The following SNX30 variants were observed in gnomAD, a reference collection of about 807,000 sequenced individuals.
The protein encoded by SNX30 is sorting nexin family member 30.
In SNX30, 24 loss-of-function variants were observed where a neutral mutation model predicts 46.4. The ratio of observed to expected loss-of-function variants is 0.52; its 90% CI spans 0.37 to 0.73. SNX30 has a LOEUF of 0.73. Ranked by LOEUF, SNX30 falls within the 30% of genes least tolerant of loss-of-function variation. SNX30 has a pLI of 0.00. For synonymous variants in SNX30, 189 were observed against 211.5 expected (o/e 0.89, Z 0.92); for missense variants, 533 against 555.7 (o/e 0.96, Z 0.41).
At chr9:112,856,350 T>C (rs1406326521) in intron 7 of SNX30, among the ~76,000 whole-genome samples, 2 of 131,150 alleles carry the variant, frequency 1.5e-5, no homozygotes, top group Non-Finnish European at 3.3e-5. Flanking sequence ...GTGTGGTGTG[T>C]GTATGGGGAG....
At chr9:112,775,154 C>CTTTT (rs1167634002) in intron 1 of SNX30, among the ~76,000 whole-genome samples, 14 of 113,890 alleles carry the variant, frequency 1.2e-4, no homozygotes, top group Middle Eastern at 5.7e-3. Context: ...TTTTTTCTTT[C>CTTTT]TTTTTTTTTT....
chr9:112,832,174 T>TC (rs147002332), intron 4 of SNX30, among the ~76,000 whole-genome samples: 2,651 of 152,032 alleles, frequency 0.017, 58 homozygotes, highest in East Asian at 0.12. Context: ...CCAGAGGCTT[T>TC]CCCCCCCTAC....
At chr9:112,778,732 T>G (rs1839791531) in intron 1 of SNX30, among the ~76,000 whole-genome samples, 1 of 152,202 alleles carries the variant, frequency 6.6e-6, no homozygotes, top group Non-Finnish European at 1.5e-5. Context: ...AAATACCAAC[T>G]GCCACAGATA....
chr9:112,752,032 T>G (rs1588102476), intron 1 of SNX30, among the ~76,000 whole-genome samples: 1 of 152,268 alleles, frequency 6.6e-6, no homozygotes, highest in East Asian at 1.9e-4. Context: ...AAATTAGAAT[T>G]GTTCTCAGGT....
chr9:112,856,975 C>T (rs1203615013), intron 7 of SNX30, among the ~76,000 whole-genome samples: 1 of 152,148 alleles, frequency 6.6e-6, no homozygotes, highest in East Asian at 1.9e-4. Flanking sequence ...ACTTAAGTGC[C>T]AAAGTCAACA....
chr9:112,860,972 A>C (rs1022159701), intron 7 of SNX30, among the ~76,000 whole-genome samples: 1 of 152,224 alleles, frequency 6.6e-6, no homozygotes, highest in Admixed American at 6.5e-5. Flanking sequence ...GGTAAGAAGA[A>C]TTTACCAAGA....
At chr9:112,757,152 C>T (rs1839363579) in intron 1 of SNX30, among the ~76,000 whole-genome samples, 1 of 152,234 alleles carries the variant, frequency 6.6e-6, no homozygotes, top group Non-Finnish European at 1.5e-5. Context: ...CCCATTTCCT[C>T]TCCCACCTGC....
intron 1 of SNX30, among the ~76,000 whole-genome samples, chr9:112,787,309 G>A (rs1839945722): frequency 6.6e-6 from 1 of 152,148 alleles, no homozygotes; most frequent in Non-Finnish European, 1.5e-5. Flanking sequence ...AAAAAATGAA[G>A]TGAAGACACT....
intron 7 of SNX30, among the ~76,000 whole-genome samples, chr9:112,852,413 T>C (rs4366151): frequency 0.8 from 121,562 of 152,080 alleles, 48,776 homozygotes; most frequent in South Asian, 0.87. Context: ...CAGTTATATG[T>C]AAACACTACA....
At chr9:112,883,032 G>A (rs904797245), downstream of SNX30, among the ~76,000 whole-genome samples, 1 of 152,130 alleles carries the variant, frequency 6.6e-6, no homozygotes, top group Non-Finnish European at 1.5e-5. Flanking sequence ...ATTAGATGTC[G>A]CCAAGAAATC....
intron 4 of SNX30, among the ~76,000 whole-genome samples, chr9:112,835,415 C>T (rs201938778): frequency 5.3e-5 from 8 of 152,116 alleles, no homozygotes; most frequent in South Asian, 2.1e-4. Context: ...AAATGATTCT[C>T]GTGCCTCAGC....
At chr9:112,861,207 C>T (rs1331396691) in intron 7 of SNX30, among the ~76,000 whole-genome samples, 2 of 152,128 alleles carry the variant, frequency 1.3e-5, no homozygotes, top group Non-Finnish European at 2.9e-5. Context: ...AACTGAGGGT[C>T]TGGTGATAGC....
At chr9:112,859,308 A>G (rs1356024211) in intron 7 of SNX30, among the ~76,000 whole-genome samples, 1 of 152,204 alleles carries the variant, frequency 6.6e-6, no homozygotes, top group Non-Finnish European at 1.5e-5. Context: ...ATACACACAC[A>G]TACATACATA....
At chr9:112,841,232 G>C (rs759501968) in intron 6 of SNX30, among the ~76,000 whole-genome samples, 3 of 151,996 alleles carry the variant, frequency 2.0e-5, no homozygotes, top group Non-Finnish European at 4.4e-5. Flanking sequence ...TTTTTTTCCT[G>C]TGGCAAGTAT....
intron 7 of SNX30, among the ~76,000 whole-genome samples, chr9:112,854,027 A>G (rs992098235): frequency 1.3e-5 from 2 of 152,248 alleles, no homozygotes; most frequent in Non-Finnish European, 1.5e-5. Flanking sequence ...TCATGTATGT[A>G]GTTCTGTAAA....
rs1460502352 is a variant in SNX30 at position 112,836,141 on chromosome 9, T to C, written c.619-73T>C. On this transcript the variant is annotated intron_variant, in intron 4 of 8. Coordinates refer to ENST00000374232, the MANE Select transcript of SNX30 (RefSeq NM_001012994.2). ...TCCATTTCCAAACTGAAGCTGCTTT[T>C]AGAAGCTGTTTTATTTAGTCCTGCC... The C allele has an allele frequency of 3.6e-6, 5 of 1,385,364 alleles. No homozygotes were observed. The South Asian group carries it at 6.1e-5, about 17-fold the overall frequency. 85.8% of individuals were successfully genotyped at this position (1,385,364 alleles called of 1,614,324 possible).
intron 7 of SNX30, among the ~76,000 whole-genome samples, chr9:112,856,276 G>A (rs895650281): frequency 1.1e-4 from 16 of 150,662 alleles, no homozygotes; most frequent in African/African-American, 3.4e-4. Context: ...GAGATGGGCC[G>A]TGTGGAGGGG....
At chr9:112,750,614 C>T (rs1839247836), upstream of SNX30, among the ~76,000 whole-genome samples, 1 of 152,016 alleles carries the variant, frequency 6.6e-6, no homozygotes, top group Non-Finnish European at 1.5e-5. Context: ...CGGGCGGGGG[C>T]GGGGCCGCGC....
At chr9:112,876,428 ACGTAGACCC>A (rs1451679609), downstream of SNX30, among the ~76,000 whole-genome samples, 1 of 151,918 alleles carries the variant, frequency 6.6e-6, no homozygotes, top group African/African-American at 2.4e-5. Context: ...AGCCTGAGCA[ACGTAGACCC>A]CGTCTCTACA....
Sources: allele counts gnomAD v4.1 joint callset (sites outside exome capture counted in the v4.1 genomes callset), GRCh38; gene constraint gnomAD v4.1.1; transcripts MANE v1.5; gene names NCBI Gene and HGNC (gene_info 2026-07-23, HGNC 2026-07-21).